LOC400499: variants seen among roughly 807,000 people sequenced by gnomAD.
chr16:11,467,590 T>C, the LOC400499 span, among the ~76,000 whole-genome samples: 4 of 151,912 alleles, frequency 2.6e-5, no homozygotes, highest in African/African-American at 9.7e-5. Flanking sequence ...CCAGCCTGAG[T>C]GACAGAGCAA....
At chr16:11,526,435 C>T in the LOC400499 span, among the ~76,000 whole-genome samples, 1 of 152,142 alleles carries the variant, frequency 6.6e-6, no homozygotes, top group South Asian at 2.1e-4. Context: ...TTTGAAACAA[C>T]TTGGCACAGT....
the LOC400499 span, chr16:11,441,189 G>A: frequency 7.5e-6 from 3 of 397,638 alleles, no homozygotes; most frequent in African/African-American, 2.1e-5. Context: ...AAGATTGATG[G>A]GTTATGGAGC....
At chr16:11,487,999 C>G in the LOC400499 span, among the ~76,000 whole-genome samples, 1 of 151,920 alleles carries the variant, frequency 6.6e-6, no homozygotes, top group Non-Finnish European at 1.5e-5. Context: ...CGCCTGTAGT[C>G]CCAGCTACTC....
At chr16:11,384,238 T>TCCAGGCTGCGGG in the LOC400499 span, 3 of 1,232,178 alleles carry the variant, frequency 2.4e-6, no homozygotes, top group African/African-American at 4.7e-5. Flanking sequence ...GCTGAGCTCC[T>TCCAGGCTGCGGG]CCAGGCTGCG....
At chr16:11,493,187 G>A in the LOC400499 span, among the ~76,000 whole-genome samples, 12 of 152,204 alleles carry the variant, frequency 7.9e-5, no homozygotes, top group Non-Finnish European at 8.8e-5. Flanking sequence ...TAGTGGTCCA[G>A]GGATTAGCAA....
At chr16:11,489,960 G>C in the LOC400499 span, among the ~76,000 whole-genome samples, 2,837 of 152,304 alleles carry the variant, frequency 0.019, 43 homozygotes, top group Non-Finnish European at 0.026. Context: ...CAAAAGACCA[G>C]AAACAGCCTA....
At chr16:11,504,362 C>T in the LOC400499 span, among the ~76,000 whole-genome samples, 19 of 152,228 alleles carry the variant, frequency 1.2e-4, no homozygotes, top group African/African-American at 3.9e-4. Flanking sequence ...TTGAGACCAG[C>T]ATGGCCAACA....
the LOC400499 span, among the ~76,000 whole-genome samples, chr16:11,447,544 C>T: frequency 5.9e-5 from 9 of 152,166 alleles, no homozygotes; most frequent in Non-Finnish European, 1.2e-4. Flanking sequence ...TAGGCTGTAG[C>T]TGACTTATCT....
At chr16:11,448,966 G>C in the LOC400499 span, 4 of 1,503,304 alleles carry the variant, frequency 2.7e-6, no homozygotes, top group Non-Finnish European at 3.6e-6. Context: ...TCCTGCTGGG[G>C]GCCTTTCAAC....
the LOC400499 span, among the ~76,000 whole-genome samples, chr16:11,526,523 C>T: frequency 1.3e-5 from 2 of 152,212 alleles, no homozygotes; most frequent in South Asian, 4.1e-4. Context: ...AACTTAGCAT[C>T]TGAATTGAAA....
At chr16:11,520,621 T>C in the LOC400499 span, among the ~76,000 whole-genome samples, 4 of 147,644 alleles carry the variant, frequency 2.7e-5, no homozygotes, top group Non-Finnish European at 5.9e-5. Flanking sequence ...GAGCTGAGAT[T>C]GTGCTATTGC....
chr16:11,498,468 C>T, the LOC400499 span, among the ~76,000 whole-genome samples: 3 of 151,384 alleles, frequency 2.0e-5, no homozygotes, highest in Admixed American at 1.3e-4. Flanking sequence ...GGCAACAGAG[C>T]GAGACTCCGT....
chr16:11,384,756 C>T, the LOC400499 span: 23 of 781,292 alleles, frequency 2.9e-5, no homozygotes, highest in East Asian at 6.7e-5. Flanking sequence ...GGCACACGCG[C>T]TGCCATGCTA....
chr16:11,462,184 C>A, the LOC400499 span: 1 of 1,534,718 alleles, frequency 6.5e-7, no homozygotes, highest in African/African-American at 1.4e-5. Context: ...TGCTGCCCAC[C>A]TGCCGTGTGA....
At chr16:11,430,929 G>C in the LOC400499 span, 1 of 397,882 alleles carries the variant, frequency 2.5e-6, no homozygotes. Flanking sequence ...ATGCCAGTGT[G>C]AGATGCTGGA....
At chr16:11,380,166 C>G in the LOC400499 span, among the ~76,000 whole-genome samples, 1 of 151,902 alleles carries the variant, frequency 6.6e-6, no homozygotes, top group African/African-American at 2.4e-5. Context: ...TCTTTTAAAT[C>G]CAATAAAATA....
the LOC400499 span, among the ~76,000 whole-genome samples, chr16:11,488,303 G>A: frequency 6.6e-6 from 1 of 152,130 alleles, no homozygotes; most frequent in African/African-American, 2.4e-5. Context: ...GTATTCAGCT[G>A]AATGCCATAA....
At chr16:11,401,386 C>T in the LOC400499 span, 159 of 399,886 alleles carry the variant, frequency 4.0e-4, 1 homozygote, top group East Asian at 2.0e-3. Context: ...TCCCCAGCCA[C>T]AGGGAGGAGG....
chr16:11,492,932 G>A, the LOC400499 span, among the ~76,000 whole-genome samples: 1 of 152,150 alleles, frequency 6.6e-6, no homozygotes, highest in African/African-American at 2.4e-5. Context: ...TTTAAGCTAA[G>A]ACGTACAGGA....
Sources: gnomAD v4.1 joint callset for allele counts (sites outside exome capture counted in the v4.1 genomes callset) on GRCh38, gnomAD v4.1.1 for gene constraint, MANE v1.5 for transcripts.